MARCO: variants seen among roughly 807,000 people sequenced by gnomAD.
The protein encoded by MARCO is macrophage receptor MARCO.
In MARCO, 72 loss-of-function variants were observed where a neutral mutation model predicts 70.0. The ratio of observed to expected loss-of-function variants is 1.03; its 90% confidence interval spans 0.85 to 1.25. MARCO has a LOEUF of 1.25. Among genes scored for constraint, MARCO ranks in the 50% most tolerant of loss-of-function variants. The pLI is 0.00. For synonymous variants in MARCO, 273 were observed against 243.1 expected, an observed-to-expected ratio of 1.12 and a Z score of -1.14; for missense variants, 696 against 659.3, an observed-to-expected ratio of 1.06 and a Z score of -0.61.
intron 3 of MARCO, 21 bp from the exon 4 acceptor site, chr2:118,971,478 C>T: frequency 6.2e-7 from 1 of 1,613,780 alleles, no homozygotes; most frequent in Non-Finnish European, 8.5e-7. Context: ...TCAGCTGCAG[C>T]TCACTCTCCT....
chr2:118,976,789 C>T (rs1028217783), intron 6 of MARCO, among the ~76,000 whole-genome samples: 39 of 152,194 alleles, frequency 2.6e-4, no homozygotes, highest in Admixed American at 9.2e-4. Context: ...ACACACTTGC[C>T]TGACTCTAAA....
intron 12 of MARCO, among the ~76,000 whole-genome samples, chr2:118,983,521 G>A (rs1324447141): frequency 6.6e-6 from 1 of 152,142 alleles, no homozygotes; most frequent in African/African-American, 2.4e-5. Flanking sequence ...GTTTTTTATG[G>A]ACAGTGTGTT....
chr2:118,951,237 A>G (rs932767313), intron 1 of MARCO, among the ~76,000 whole-genome samples: 6 of 152,222 alleles, frequency 3.9e-5, no homozygotes, highest in African/African-American at 1.2e-4. Flanking sequence ...GGAACCGTCA[A>G]TCATCCTGTC....
intron 1 of MARCO, among the ~76,000 whole-genome samples, chr2:118,951,792 T>G (rs1679726965): frequency 6.6e-6 from 1 of 152,108 alleles, no homozygotes; most frequent in Non-Finnish European, 1.5e-5. Flanking sequence ...ATCTCTCTCT[T>G]TCTCTCTCTT....
intron 12 of MARCO, 84 bp downstream of exon 12, chr2:118,982,494 A>G: frequency 1.5e-6 from 2 of 1,315,964 alleles, no homozygotes; most frequent in South Asian, 2.4e-5. Context: ...TCTTAGGCCC[A>G]CGGAGGAGGC....
At position 118,984,368 on chromosome 2, in the gene MARCO, A is replaced by T. The variant is rs964673299; in HGVS notation, c.1063+1958A>T. 2.0e-5 allele frequency among the ~76,000 whole-genome samples: 3 copies of T among 152,124 alleles called. 1 individual carries two copies. In the South Asian group the frequency reaches 6.2e-4, roughly 32 times the overall value. On this transcript the variant is annotated intron_variant, in intron 12 of 16. Transcript: ENST00000327097. ...ATAGCTTGGGGATCATTTTAATTTC[A>T]TCCTCATCGAGACCTTTTATATCTG...
intron 15 of MARCO, 66 bp downstream of exon 15, chr2:118,992,542 G>C: frequency 1.5e-6 from 2 of 1,363,404 alleles, no homozygotes; most frequent in Non-Finnish European, 1.0e-6. Context: ...AAAATTGTGT[G>C]TGTTGGGGGA....
rs977196990 is a variant in MARCO, at chr2:118,969,257, CCAAGGTAAAG to C, written c.198_199+8del. 7 of 1,613,692 alleles carry C rather than the reference CCAAGGTAAAG, an allele frequency of 4.3e-6. No individual in the cohort carries two copies. In the African/African-American group the frequency reaches 8.0e-5, roughly 18 times the overall value. Reference sequence around the variant, plus strand: ...CCGCTGGCGCTGGGCTGCTGGTGGTCCAAGGTAAAGCAGGCTTGGTCCTGTGTAGTCCCTC... The same window carrying C: ...CCGCTGGCGCTGGGCTGCTGGTGGTCCAGGCTTGGTCCTGTGTAGTCCCTC... On this transcript the variant is annotated splice_donor_variant and splice_donor_5th_base_variant and coding_sequence_variant and intron_variant, in exon 2 of 17. Coordinates refer to ENST00000327097, the MANE Select transcript of MARCO (RefSeq NM_006770.4). LOFTEE classifies it high-confidence loss of function.
intron 1 of MARCO, among the ~76,000 whole-genome samples, chr2:118,954,881 C>G (rs1038819827): frequency 3.3e-5 from 5 of 152,094 alleles, no homozygotes; most frequent in Non-Finnish European, 7.4e-5. Context: ...AATACTACAT[C>G]AAGGGAACAC....
At position 118,968,092 on chromosome 2, in the gene MARCO, G is replaced by T. The variant is rs1680090140; in HGVS notation, c.98-1068G>T. 1.3e-5 allele frequency among the ~76,000 whole-genome samples: 2 copies of T among 152,196 alleles called. 1 individual carries two copies. Among genetic ancestry groups the T allele is most frequent in the South Asian group, 4.1e-4 (2 of 4,822 alleles). Reference sequence around the variant, plus strand: ...CCTTGCAGGGTTGCTGCAATGGTTAGAGATGATGTTGGTAAATGCCTGGTG... The same window carrying T: ...CCTTGCAGGGTTGCTGCAATGGTTATAGATGATGTTGGTAAATGCCTGGTG... On this transcript the variant is annotated intron_variant, in intron 1 of 16. Transcript: ENST00000327097.
At chr2:118,986,673 GA>G (rs1441107671) in intron 12 of MARCO, among the ~76,000 whole-genome samples, 5,210 of 37,826 alleles carry the variant, frequency 0.14, 328 homozygotes, top group Non-Finnish European at 0.17. Flanking sequence ...AGGAAGGAAG[GA>G]AAGAAAGAAA....
Position 118,942,387 on chromosome 2 carries a change from C to T in MARCO, c.87C>T (p.Phe29=), listed in dbSNP as rs759366698. ...AAFHQIAMEP[F]EINVPKPKRR... Reference sequence around the variant, plus strand: ...TTCACCAAATTGCAATGGAGCCTTTCGAAATCAATGGTAAAGTACGATTCC... The same window carrying T: ...TTCACCAAATTGCAATGGAGCCTTTTGAAATCAATGGTAAAGTACGATTCC... Residue 29 remains phenylalanine (F), a synonymous_variant, in exon 1 of 17, where the codon TTC becomes TTT. Transcript: ENST00000327097. The T allele has an allele frequency of 1.3e-5, 21 of 1,611,352 alleles. No individual in the cohort carries two copies. The highest frequency in any genetic ancestry group is 8.0e-5 in the African/African-American group (6 of 74,818).
intron 1 of MARCO, among the ~76,000 whole-genome samples, chr2:118,958,803 A>C (rs1193503784): frequency 3.3e-5 from 5 of 152,218 alleles, no homozygotes; most frequent in African/African-American, 1.2e-4. Context: ...CAGTATAAAA[A>C]ATAGCACATA....
chr2:118,969,459 A>G (rs1680119655), intron 2 of MARCO, among the ~76,000 whole-genome samples, 198 bp downstream of exon 2: 1 of 152,154 alleles, frequency 6.6e-6, no homozygotes, highest in South Asian at 2.1e-4. Flanking sequence ...TGTGTGCCTG[A>G]GGGAGGGAGA....
chr2:118,973,385 GTC>G (rs145508451), intron 4 of MARCO, among the ~76,000 whole-genome samples: 121 of 147,466 alleles, frequency 8.2e-4, no homozygotes, highest in South Asian at 8.5e-4. Flanking sequence ...TCTGACTTCT[GTC>G]TCTCTCTCTC....
At chr2:118,967,097 T>C (rs1680066461) in intron 1 of MARCO, among the ~76,000 whole-genome samples, 1 of 152,092 alleles carries the variant, frequency 6.6e-6, no homozygotes, top group Non-Finnish European at 1.5e-5. Context: ...TCCAGGCCAT[T>C]TGGGGAGACA....
At chr2:118,944,536 T>C (rs975974684) in intron 1 of MARCO, among the ~76,000 whole-genome samples, 6 of 152,202 alleles carry the variant, frequency 3.9e-5, no homozygotes, top group African/African-American at 9.6e-5. Flanking sequence ...TTCCCACATA[T>C]GGTTCATGAA....
intron 8 of MARCO, 21 bp from the exon 9 acceptor site, chr2:118,981,388 C>G: frequency 1.9e-6 from 3 of 1,553,014 alleles, no homozygotes; most frequent in Non-Finnish European, 2.6e-6. Context: ...CACAACTAAC[C>G]AAGACTTTTT....
chr2:118,945,937 A>T (rs2104542865), intron 1 of MARCO, among the ~76,000 whole-genome samples: 1 of 152,138 alleles, frequency 6.6e-6, no homozygotes, highest in South Asian at 2.1e-4. Context: ...CTTCAACAAA[A>T]CCCAAACCCT....
Sources: allele counts gnomAD v4.1 joint callset (sites outside exome capture counted in the v4.1 genomes callset), GRCh38; gene constraint gnomAD v4.1.1; transcripts MANE v1.5; gene names NCBI Gene and HGNC (gene_info 2026-07-23, HGNC 2026-07-21).